LYPLA1: variants seen among roughly 807,000 people sequenced by gnomAD.
LYPLA1 encodes the protein acyl-protein thioesterase 1.
In LYPLA1, 17 loss-of-function variants were observed where a neutral mutation model predicts 34.0. That is an observed-to-expected ratio of 0.50 (90% CI 0.34 to 0.75). The LOEUF (loss-of-function observed/expected upper bound fraction) is 0.75, where lower values mean the gene tolerates loss of function less well. Among genes scored for constraint, LYPLA1 ranks in the 30% least tolerant of loss-of-function variants. The pLI is 0.01. For missense variants in LYPLA1, 203 were observed against 288.8 expected (o/e 0.70, Z 2.15); for synonymous variants, 98 against 100.8 (o/e 0.97, Z 0.17).
intron 2 of LYPLA1, among the ~76,000 whole-genome samples, chr8:54,088,064 G>C (rs979195889): frequency 1.3e-5 from 2 of 152,194 alleles, no homozygotes; most frequent in African/African-American, 4.8e-5. Context: ...TTAACTTGTG[G>C]AATGCTGAGA....
At chr8:54,089,294 T>C (rs925255695) in intron 2 of LYPLA1, among the ~76,000 whole-genome samples, 8 of 151,168 alleles carry the variant, frequency 5.3e-5, no homozygotes, top group Non-Finnish European at 1.2e-4. Flanking sequence ...AAAAAATAGG[T>C]GAGTACAGAA....
chr8:54,059,299 G>GTTTTTTTTTTTTTTTT (rs573966934), intron 5 of LYPLA1, among the ~76,000 whole-genome samples: 5 of 112,704 alleles, frequency 4.4e-5, no homozygotes, highest in South Asian at 3.1e-4. Context: ...TATTTTCCCT[G>GTTTTTTTTTTTTTTTT]TTTTTTTTTT....
At chr8:54,088,647 CAAAG>C (rs1808979255) in intron 2 of LYPLA1, among the ~76,000 whole-genome samples, 1 of 152,216 alleles carries the variant, frequency 6.6e-6, no homozygotes, top group African/African-American at 2.4e-5. Flanking sequence ...TATGTCCATA[CAAAG>C]TCTTGTACAC....
In LYPLA1 at chr8:54,047,420, GAA is replaced by G. The variant is rs1805547055; in HGVS notation, c.*643_*644del. ...ACAAACTTTTTTTTTTTTCTTGAGA[GAA>G]AAGAGTATTAAATAGAAATAATATC... On this transcript the variant is annotated 3_prime_UTR_variant, in exon 9 of 9. Coordinates refer to ENST00000316963, the MANE Select transcript of LYPLA1 (RefSeq NM_006330.4). 6.6e-6 allele frequency: 1 copy of G among 151,278 alleles called. No homozygotes were observed. The highest frequency in any genetic ancestry group is 1.5e-5 in the Non-Finnish European group (1 of 67,834). 9.4% of individuals were successfully genotyped at this position (151,278 alleles called of 1,614,324 possible). A position where few individuals can be genotyped will look rare whatever the true frequency, so the allele number is the denominator to read the frequency against.
chr8:54,063,548 C>T (rs896601616), intron 3 of LYPLA1, among the ~76,000 whole-genome samples, 173 bp from the exon 4 acceptor site: 1 of 152,208 alleles, frequency 6.6e-6, no homozygotes, highest in Non-Finnish European at 1.5e-5. Flanking sequence ...TTTCCACGCC[C>T]CTCCAAATGT....
Position 54,063,366 on chromosome 8 carries a change from C to T in LYPLA1, c.177G>A (p.Arg59=). Residue 59 remains arginine, a synonymous_variant, in exon 4 of 9, where the codon AGG becomes AGA. Transcript: ENST00000316963. ...CCACGTTCATATTTAATGTAACAGG[C>T]CTAACAGGCCTACATGGAAAAGAAA... ...IKYICPHAPV[R]PVTLNMNVAM... 6.5e-7 allele frequency: 1 copy of T among 1,534,656 alleles called. No individual in the cohort carries two copies.
downstream of LYPLA1, chr8:54,043,252 T>G (rs930373404): frequency 7.9e-5 from 12 of 152,178 alleles, no homozygotes; most frequent in Admixed American, 4.6e-4. Context: ...AAGGCTGTTT[T>G]TCATTTTTTG....
rs146273068 is a variant in LYPLA1, at chr8:54,056,637, G to A, written c.287-1504C>T. Reference sequence around the variant, plus strand: ...ATCTGATCAAAAAATGGGCCAGGCCGGGCACAGTGGCTCATGCCTGCAATC... The same window carrying A: ...ATCTGATCAAAAAATGGGCCAGGCCAGGCACAGTGGCTCATGCCTGCAATC... On this transcript the variant is annotated intron_variant, in intron 5 of 8. Coordinates refer to ENST00000316963, the MANE Select transcript of LYPLA1 (RefSeq NM_006330.4). Among the ~76,000 whole-genome samples, 1,127 of 152,222 alleles carry A rather than the reference G, an allele frequency of 7.4e-3. 9 individuals carry two copies. Among genetic ancestry groups the A allele is most frequent in the African/African-American group, 0.023 (940 of 41,546 alleles).
intron 2 of LYPLA1, among the ~76,000 whole-genome samples, chr8:54,088,606 C>T (rs1255130625): frequency 2.0e-5 from 3 of 152,144 alleles, no homozygotes; most frequent in Non-Finnish European, 2.9e-5. Flanking sequence ...CAATTTGACT[C>T]CCAAGTATAT....
intron 6 of LYPLA1, chr8:54,053,566 C>T (rs916950622): frequency 2.2e-6 from 1 of 456,030 alleles, no homozygotes; most frequent in African/African-American, 2.0e-5. Context: ...TACTGCAACA[C>T]ATGAGTACAC....
chr8:54,088,117 A>T (rs1175556376), intron 2 of LYPLA1, among the ~76,000 whole-genome samples: 1 of 152,240 alleles, frequency 6.6e-6, no homozygotes, highest in African/African-American at 2.4e-5. Context: ...ACAGGCTATG[A>T]CCTAATGCTT....
In LYPLA1 at chr8:54,078,272, G is replaced by A. The variant is rs377049647; in HGVS notation, c.102-12459C>T. Among the ~76,000 whole-genome samples, 4 of 151,616 alleles carry A rather than the reference G, an allele frequency of 2.6e-5. No homozygotes were observed. The East Asian group carries it at 7.7e-4, about 29-fold the overall frequency. On this transcript the variant is annotated intron_variant, in intron 2 of 8. Transcript: ENST00000316963. ...CAGCCTGGCTGAACATTTAAGATCT[G>A]AATACTTGACTATATCATAATCCAA...
chr8:54,052,870 C>T (rs1482404955), intron 6 of LYPLA1, 114 bp from the exon 7 acceptor site: 4 of 652,680 alleles, frequency 6.1e-6, no homozygotes, highest in Non-Finnish European at 1.1e-5. Flanking sequence ...TGGCTGGTGT[C>T]AAATCAAATC....
At chr8:54,046,209 A>G (rs554841665), downstream of LYPLA1, among the ~76,000 whole-genome samples, 43 of 152,318 alleles carry the variant, frequency 2.8e-4, no homozygotes, top group African/African-American at 1.0e-3. Context: ...ATAACATGAG[A>G]TTATTTCTTA....
At chr8:54,046,002 A>C (rs1284528101), downstream of LYPLA1, among the ~76,000 whole-genome samples, 1 of 152,194 alleles carries the variant, frequency 6.6e-6, no homozygotes, top group Admixed American at 6.5e-5. Flanking sequence ...CAGAGGTTGC[A>C]GTGAGCCGAG....
intron 2 of LYPLA1, among the ~76,000 whole-genome samples, chr8:54,093,327 G>A (rs1586179216): frequency 6.6e-6 from 1 of 152,192 alleles, no homozygotes; most frequent in East Asian, 1.9e-4. Flanking sequence ...GTTAAGAGTT[G>A]AGATCACACT....
At chr8:54,069,640 G>C (rs893764318) in intron 2 of LYPLA1, among the ~76,000 whole-genome samples, 2 of 151,904 alleles carry the variant, frequency 1.3e-5, no homozygotes, top group African/African-American at 4.8e-5. Flanking sequence ...AACCTGGGAG[G>C]CAGAGATTGC....
chr8:54,101,538 G>T, intron 1 of LYPLA1: 1 of 1,144,044 alleles, frequency 8.7e-7, no homozygotes. Context: ...CGCAATGCAG[G>T]GAGGAGCTGG....
intron 2 of LYPLA1, among the ~76,000 whole-genome samples, chr8:54,084,124 G>GGAAAAAAAAAAAAAA (rs1554547911): frequency 8.9e-5 from 5 of 56,378 alleles, no homozygotes; most frequent in African/African-American, 2.7e-4. Context: ...GGAGACCAAA[G>GGAAAAAAAAAAAAAA]AAAAAAAAAA....
Sources: allele counts gnomAD v4.1 joint callset (sites outside exome capture counted in the v4.1 genomes callset), GRCh38; gene constraint gnomAD v4.1.1; transcripts MANE v1.5; gene names NCBI Gene and HGNC (gene_info 2026-07-23, HGNC 2026-07-21).